The following GLB1 variants were observed in gnomAD, a reference collection of about 807,000 sequenced individuals.
GLB1 encodes the protein beta-galactosidase.
In GLB1, 56 loss-of-function variants were observed where a neutral mutation model predicts 74.0. The ratio of observed to expected loss-of-function variants is 0.76; its 90% CI spans 0.61 to 0.94. GLB1 has a LOEUF of 0.94. GLB1 is among the 40% of genes least tolerant of loss of function. The pLI, the probability that GLB1 is intolerant of heterozygous loss-of-function variation, is 0.00. For synonymous variants in GLB1, 323 were observed against 323.6 expected (o/e 1.00, Z 0.02); for missense variants, 787 against 845.5 (o/e 0.93, Z 0.86).
chr3:33,073,404 T>C lies in GLB1; in HGVS notation c.76-691A>G, dbSNP rs559355291. Among the ~76,000 whole-genome samples, 6 of 152,250 alleles carry C rather than the reference T, an allele frequency of 3.9e-5. No individual in the cohort carries two copies. The South Asian group carries it at 1.2e-3, about 32-fold the overall frequency. ...TAAGCATCTTTTAAAAATGAAAGAA[T>C]TGTCCAGGCATGATGGCTCACACCT... On this transcript the variant is annotated intron_variant, in intron 1 of 15. Transcript: ENST00000307363.
chr3:32,970,887 AAAAG>A, the GLB1 span, among the ~76,000 whole-genome samples: 2 of 152,330 alleles, frequency 1.3e-5, no homozygotes, highest in Middle Eastern at 3.4e-3. Flanking sequence ...CGGAGAGAGA[AAAAG>A]AAAGAGAGCT....
chr3:33,092,683 A>G (rs1025718613), intron 1 of GLB1: 33 of 1,424,838 alleles, frequency 2.3e-5, no homozygotes, highest in Non-Finnish European at 1.2e-5. Context: ...CAGGCCCACC[A>G]TAAGTCACTG....
chr3:33,089,993 TCA>T (rs1396757955), intron 1 of GLB1, among the ~76,000 whole-genome samples: 1 of 152,208 alleles, frequency 6.6e-6, no homozygotes, highest in Non-Finnish European at 1.5e-5. Flanking sequence ...CACTAACTCT[TCA>T]CACAGTTAAC....
intron 5 of GLB1, 37 bp from the exon 6 acceptor site, chr3:33,058,306 T>C: frequency 1.2e-6 from 2 of 1,612,954 alleles, no homozygotes; most frequent in Non-Finnish European, 1.7e-6. Context: ...AATGAGGAGA[T>C]CCTAATGTAG....
chr3:33,092,416 C>G, intron 1 of GLB1: 1 of 995,568 alleles, frequency 1.0e-6, no homozygotes, highest in Non-Finnish European at 1.2e-6. Context: ...CTGGAAACCA[C>G]TTAAGTCCTA....
rs569006751 is a variant in GLB1 at position 33,049,295 on chromosome 3, C to T, written c.955+2463G>A. Reference sequence around the variant, plus strand: ...GTGACCAACCTTGGCACACTATTATCTTTTCCTTTTTTTTAATTTAATTTA... The same window carrying T: ...GTGACCAACCTTGGCACACTATTATTTTTTCCTTTTTTTTAATTTAATTTA... On this transcript the variant is annotated intron_variant, in intron 9 of 15. Transcript: ENST00000307363. Among the ~76,000 whole-genome samples the T allele has an allele frequency of 7.0e-4, 106 of 152,188 alleles. 1 individual carries two copies. The South Asian group carries it at 0.021, about 30-fold the overall frequency.
At chr3:33,080,192 C>T (rs1338926529) in intron 1 of GLB1, among the ~76,000 whole-genome samples, 1 of 152,100 alleles carries the variant, frequency 6.6e-6, no homozygotes, top group African/African-American at 2.4e-5. Flanking sequence ...CAACCTCCGC[C>T]TCCCCAGTTC....
At chr3:32,983,281 T>C in the GLB1 span, among the ~76,000 whole-genome samples, 16,411 of 152,224 alleles carry the variant, frequency 0.11, 1,135 homozygotes, top group African/African-American at 0.2. Context: ...AAACCTTTCT[T>C]TCATGTTTTC....
chr3:33,018,774 G>A (rs1358512995), intron 12 of GLB1, among the ~76,000 whole-genome samples: 3 of 152,166 alleles, frequency 2.0e-5, no homozygotes, highest in African/African-American at 7.2e-5. Flanking sequence ...AAGGAACCAT[G>A]AACAGTGTCT....
intron 10 of GLB1, among the ~76,000 whole-genome samples, chr3:33,033,519 A>G (rs1056662621): frequency 2.6e-5 from 4 of 152,182 alleles, no homozygotes; most frequent in Non-Finnish European, 4.4e-5. Flanking sequence ...GGGGTGGCTC[A>G]CGCCTGTAAT....
At chr3:32,973,714 A>T in the GLB1 span, among the ~76,000 whole-genome samples, 1 of 152,118 alleles carries the variant, frequency 6.6e-6, no homozygotes, top group South Asian at 2.1e-4. Context: ...CCTAATATAA[A>T]TTTATCAAAA....
chr3:33,074,336 G>GGAAGGAAA (rs1481955316), intron 1 of GLB1, among the ~76,000 whole-genome samples: 1,584 of 35,186 alleles, frequency 0.045, 628 homozygotes, highest in East Asian at 0.17. Flanking sequence ...AAGGAAGGAA[G>GGAAGGAAA]GAAGGAAGGA....
intron 14 of GLB1, among the ~76,000 whole-genome samples, chr3:33,015,785 T>C (rs952653433): frequency 5.9e-5 from 9 of 152,178 alleles, no homozygotes; most frequent in South Asian, 2.1e-4. Context: ...TAAGATGTAA[T>C]TGCCTGATCT....
Position 33,072,602 on chromosome 3 carries a change from A to T in GLB1, c.187T>A (p.Phe63Ile). The change falls in exon 2 of 16, where the codon TTC becomes ATC. Residue 63 changes from phenylalanine to isoleucine, a missense_variant. Coordinates refer to ENST00000307363, the MANE Select transcript of GLB1 (RefSeq NM_000404.4). The stretch of plus-strand genomic sequence containing the variant: ...TTCAGCAGCCGGTCCTTCCAGTAGA[A>T]GCGGGGCACACGGGAGTAGTGAATG... ...GSIHYSRVPR[F>I]YWKDRLLKMK... is the part of the protein sequence containing the mutation. The T allele has an allele frequency of 6.2e-7, 1 of 1,614,090 alleles. No homozygotes were observed. The highest frequency in any genetic ancestry group is 8.5e-7 in the Non-Finnish European group (1 of 1,180,034).
At chr3:33,009,122 A>AAAAT (rs201038052) in intron 15 of GLB1, among the ~76,000 whole-genome samples, 48,004 of 137,322 alleles carry the variant, frequency 0.35, 9,685 homozygotes, top group Middle Eastern at 0.53. Context: ...TCCATCTTAA[A>AAAAT]AAATAAATAA....
chr3:33,065,716 C>A (rs1021840256), intron 4 of GLB1, among the ~76,000 whole-genome samples, 159 bp from the exon 5 acceptor site: 1 of 152,148 alleles, frequency 6.6e-6, no homozygotes, highest in African/African-American at 2.4e-5. Flanking sequence ...GCCTGTAATC[C>A]CAGCACTTTG....
chr3:32,987,563 A>G, the GLB1 span, among the ~76,000 whole-genome samples: 1 of 152,016 alleles, frequency 6.6e-6, no homozygotes, highest in African/African-American at 2.4e-5. Flanking sequence ...CTGCTCTGCC[A>G]CTCTGTACTG....
intron 1 of GLB1, among the ~76,000 whole-genome samples, chr3:33,084,844 AAAAC>A (rs1483855738): frequency 6.6e-6 from 1 of 152,246 alleles, no homozygotes; most frequent in Non-Finnish European, 1.5e-5. Context: ...TTCAGGGAAA[AAAAC>A]AAAAGCAAAC....
chr3:33,045,151 A>C (rs996488433), intron 10 of GLB1, among the ~76,000 whole-genome samples: 8 of 152,196 alleles, frequency 5.3e-5, no homozygotes, highest in Non-Finnish European at 1.2e-4. Flanking sequence ...GATGGCTTAC[A>C]TACGTTCTTT....
Sources: allele counts gnomAD v4.1 joint callset (sites outside exome capture counted in the v4.1 genomes callset), GRCh38; gene constraint gnomAD v4.1.1; transcripts MANE v1.5; gene names NCBI Gene and HGNC (gene_info 2026-07-23, HGNC 2026-07-21).